LTBP1: variants seen among roughly 807,000 people sequenced by gnomAD.
LTBP1 encodes the protein latent-transforming growth factor beta-binding protein 1.
LTBP1 carries 129 observed loss-of-function variants against 207.6 expected under a neutral mutation model. The observed-to-expected ratio is 0.62, with a 90% confidence interval of 0.54 to 0.72. LTBP1 has a LOEUF of 0.72. Among genes scored for constraint, LTBP1 ranks in the 30% least tolerant of loss-of-function variants. The probability of loss-of-function intolerance (pLI) is 0.00; values close to 1 mark genes in which losing one functional copy is unlikely to be tolerated. For missense variants in LTBP1, 2,281 were observed against 2,217.2 expected (o/e 1.03, Z -0.58); for synonymous variants, 963 against 833.7 (o/e 1.16, Z -2.67).
chr2:32,950,434 C>T (rs1676923149), intron 2 of LTBP1, among the ~76,000 whole-genome samples: 2 of 151,984 alleles, frequency 1.3e-5, no homozygotes, highest in African/African-American at 2.4e-5. Context: ...TGTTGTGTGC[C>T]TGTAATCCCA....
At chr2:33,282,767 G>A (rs2093584966) in intron 19 of LTBP1, among the ~76,000 whole-genome samples, 1 of 152,152 alleles carries the variant, frequency 6.6e-6, no homozygotes, top group South Asian at 2.1e-4. Flanking sequence ...ACTGGGGATT[G>A]AGAGTGACTA....
chr2:33,253,213 T>G (rs571504873), intron 11 of LTBP1, among the ~76,000 whole-genome samples: 26 of 152,348 alleles, frequency 1.7e-4, no homozygotes, highest in African/African-American at 6.3e-4. Flanking sequence ...GTAACTAGAC[T>G]TTGTGCAAGT....
At chr2:33,190,819 G>A (rs547378458) in intron 7 of LTBP1, among the ~76,000 whole-genome samples, 1 of 152,016 alleles carries the variant, frequency 6.6e-6, no homozygotes, top group South Asian at 2.1e-4. Flanking sequence ...GCCCTCATTG[G>A]CCTGTGGACA....
At chr2:32,973,489 A>G (rs1329026178) in intron 2 of LTBP1, among the ~76,000 whole-genome samples, 4 of 152,196 alleles carry the variant, frequency 2.6e-5, no homozygotes, top group Admixed American at 2.0e-4. Flanking sequence ...CCCAGGGCAC[A>G]TAAGATGCCA....
chr2:33,120,895 A>T (rs1424741431), intron 4 of LTBP1, among the ~76,000 whole-genome samples: 1 of 152,218 alleles, frequency 6.6e-6, no homozygotes, highest in Non-Finnish European at 1.5e-5. Flanking sequence ...CTATTAAAAG[A>T]CTACAAAACT....
At chr2:33,127,629 A>G (rs1285179049) in intron 4 of LTBP1, among the ~76,000 whole-genome samples, 1 of 152,250 alleles carries the variant, frequency 6.6e-6, no homozygotes, top group African/African-American at 2.4e-5. Flanking sequence ...AAAGGAGGAT[A>G]AGAATATAGA....
At position 33,293,151 on chromosome 2, in the gene LTBP1, T is replaced by C; in HGVS notation, c.3113-9T>C. On this transcript the variant is annotated splice_polypyrimidine_tract_variant and intron_variant, in intron 19 of 33. Transcript: ENST00000404816. ...TTTTTGTTCTTTCCATTACGCAACATTCTTCAAGATGTGGACGAGTGCCTG... is the reference window on the plus strand; with the variant it reads ...TTTTTGTTCTTTCCATTACGCAACACTCTTCAAGATGTGGACGAGTGCCTG... 1 of 1,606,430 alleles carries C rather than the reference T, an allele frequency of 6.2e-7. No homozygotes were observed. The highest frequency in any genetic ancestry group is 8.5e-7 in the Non-Finnish European group (1 of 1,178,210).
intron 5 of LTBP1, among the ~76,000 whole-genome samples, chr2:33,152,686 C>G (rs1302682669): frequency 6.6e-6 from 1 of 152,138 alleles, no homozygotes; most frequent in African/African-American, 2.4e-5. Context: ...TTGCATTCCC[C>G]TAATGATTGA....
intron 3 of LTBP1, among the ~76,000 whole-genome samples, chr2:33,073,454 G>C (rs1022084885): frequency 3.3e-5 from 5 of 151,828 alleles, no homozygotes; most frequent in African/African-American, 1.2e-4. Flanking sequence ...TTTTCATCTC[G>C]AGCCAAACAA....
intron 32 of LTBP1, among the ~76,000 whole-genome samples, chr2:33,393,381 T>C (rs981584152): frequency 6.6e-6 from 1 of 151,922 alleles, no homozygotes; most frequent in African/African-American, 2.4e-5. Flanking sequence ...CATGTCGGTG[T>C]GCTGCACCCA....
Position 33,398,351 on chromosome 2 carries a change from T to C in LTBP1, c.4985-13T>C. 2 of 1,610,966 alleles carry C rather than the reference T, an allele frequency of 1.2e-6. No individual in the cohort carries two copies. The highest frequency in any genetic ancestry group is 1.7e-6 in the Non-Finnish European group (2 of 1,178,182). ...TCCAAGATTGTTTACCTGCATGGCTTGACTTATTGCAGATGTAAATGAATG... is the reference window on the plus strand; with the variant it reads ...TCCAAGATTGTTTACCTGCATGGCTCGACTTATTGCAGATGTAAATGAATG... On this transcript the variant is annotated splice_polypyrimidine_tract_variant and intron_variant, in intron 33 of 33. Coordinates refer to ENST00000404816, the MANE Select transcript of LTBP1 (RefSeq NM_206943.4).
intron 9 of LTBP1, among the ~76,000 whole-genome samples, chr2:33,232,992 C>T (rs1225696788): frequency 6.6e-6 from 1 of 152,028 alleles, no homozygotes; most frequent in Non-Finnish European, 1.5e-5. Flanking sequence ...AGATAATCTC[C>T]TAATTCTTTA....
At chr2:33,202,984 T>C (rs1485651515) in intron 7 of LTBP1, among the ~76,000 whole-genome samples, 1 of 152,250 alleles carries the variant, frequency 6.6e-6, no homozygotes, top group East Asian at 1.9e-4. Context: ...CACCAGGCAC[T>C]TCCTATGCCA....
intron 8 of LTBP1, among the ~76,000 whole-genome samples, chr2:33,220,919 A>G (rs954566015): frequency 6.6e-6 from 1 of 152,242 alleles, no homozygotes; most frequent in Non-Finnish European, 1.5e-5. Flanking sequence ...GAGAAGAGGG[A>G]CACCCCAGTA....
chr2:33,397,293 C>T lies in LTBP1; in HGVS notation c.4984+11C>T, dbSNP rs1471380804. ...AGATGACCTGTGTCGGTAAGAATGA[C>T]GTGTGTTTTATGGGACATTAATTTT... On this transcript the variant is annotated intron_variant, in intron 33 of 33. Transcript: ENST00000404816. 3.7e-6 allele frequency: 6 copies of T among 1,613,700 alleles called. No individual in the cohort carries two copies. The Admixed American group carries it at 5.0e-5, about 13-fold the overall frequency.
At chr2:33,217,757 C>G (rs929075113) in intron 8 of LTBP1, 103 bp downstream of exon 8, 5 of 847,094 alleles carry the variant, frequency 5.9e-6, no homozygotes, top group South Asian at 4.6e-5. Context: ...AAAGAACTCT[C>G]CTACTGAATT....
At chr2:32,987,169 T>C (rs1482823306) in intron 2 of LTBP1, among the ~76,000 whole-genome samples, 1 of 152,122 alleles carries the variant, frequency 6.6e-6, no homozygotes, top group Non-Finnish European at 1.5e-5. Context: ...ACATCACCCA[T>C]CTTGTGATGA....
intron 20 of LTBP1, among the ~76,000 whole-genome samples, chr2:33,293,830 C>G (rs2093820940): frequency 6.6e-6 from 1 of 151,938 alleles, no homozygotes; most frequent in African/African-American, 2.4e-5. Context: ...AGTATACCTA[C>G]CATAAGTGTT....
At chr2:33,322,763 G>C (rs1327761317) in intron 24 of LTBP1, among the ~76,000 whole-genome samples, 1 of 152,184 alleles carries the variant, frequency 6.6e-6, no homozygotes, top group Admixed American at 6.5e-5. Flanking sequence ...GTACAAGATT[G>C]TTACCTCTTG....
Sources: allele counts gnomAD v4.1 joint callset (sites outside exome capture counted in the v4.1 genomes callset), GRCh38; gene constraint gnomAD v4.1.1; transcripts MANE v1.5; gene names NCBI Gene and HGNC (gene_info 2026-07-23, HGNC 2026-07-21).